MS4A1: variants seen among roughly 807,000 people sequenced by gnomAD.
The protein encoded by MS4A1 is B-lymphocyte antigen CD20.
In MS4A1, 16 loss-of-function variants were observed where a neutral mutation model predicts 26.5. That is an observed-to-expected ratio of 0.60 (90% CI 0.41 to 0.92). MS4A1 has a LOEUF of 0.92. MS4A1 is among the 40% of genes least tolerant of loss of function. The pLI is 0.00. For synonymous variants in MS4A1, 128 were observed against 117.6 expected (o/e 1.09, Z -0.57); for missense variants, 350 against 353.0 (o/e 0.99, Z 0.07).
In MS4A1 at chr11:60,469,770, A is replaced by T. The variant is rs2086328049; in HGVS notation, c.*1302A>T. 6.6e-6 allele frequency: 1 copy of T among 152,252 alleles called. No homozygotes were observed. Among genetic ancestry groups the T allele is most frequent in the Middle Eastern group, 3.4e-3 (1 of 294 alleles). The allele number at this position is 152,252 out of a possible 1,614,324, so 9.4% of individuals were successfully genotyped here. A position where few individuals can be genotyped will look rare whatever the true frequency, so the allele number is the denominator to read the frequency against. On this transcript the variant is annotated 3_prime_UTR_variant, in exon 8 of 8. Coordinates refer to ENST00000345732, the MANE Select transcript of MS4A1 (RefSeq NM_152866.3). ...GAGTCAACAGCTGCCCTACTTTTCA[A>T]TTCAGATATACTAGTACCTTACCTA...
In MS4A1 at chr11:60,469,799, A is replaced by G. The variant is rs1358312142; in HGVS notation, c.*1331A>G. The stretch of plus-strand genomic sequence containing the variant: ...AGATATACTAGTACCTTACCTAGAA[A>G]TAATGTTAACCTAGGGTGAAGTCAC... On this transcript the variant is annotated 3_prime_UTR_variant, in exon 8 of 8. Transcript: ENST00000345732. 3 of 152,128 alleles carry G rather than the reference A, an allele frequency of 2.0e-5. No homozygotes were observed. The highest frequency in any genetic ancestry group is 4.4e-5 in the Non-Finnish European group (3 of 67,962). 9.4% of individuals were successfully genotyped at this position (152,128 alleles called of 1,614,324 possible).
Position 60,469,132 on chromosome 11 carries a change from T to G in MS4A1, c.*664T>G, listed in dbSNP as rs200018414. 6.6e-6 allele frequency: 1 copy of G among 152,176 alleles called. No individual in the cohort carries two copies. Among genetic ancestry groups the G allele is most frequent in the Non-Finnish European group, 1.5e-5 (1 of 68,016 alleles). The allele number at this position is 152,176 out of a possible 1,614,324, so 9.4% of individuals were successfully genotyped here. On this transcript the variant is annotated 3_prime_UTR_variant, in exon 8 of 8. Transcript: ENST00000345732. ...TTTTCCTAACTCCCACTCTAGGCTA[T>G]TGTTTGCATGTCTACCTACTTTTAG...
chr11:60,466,247 C>T (rs1170399954), intron 6 of MS4A1, 90 bp downstream of exon 6: 13 of 1,063,472 alleles, frequency 1.2e-5, no homozygotes, highest in Middle Eastern at 2.0e-4. Context: ...GGATCCAGAC[C>T]ACCTGAGTTT....
chr11:60,466,283 G>A (rs1392178399), intron 6 of MS4A1, 126 bp downstream of exon 6: 6 of 835,710 alleles, frequency 7.2e-6, no homozygotes, highest in East Asian at 2.4e-5. Context: ...TGTGGCTTTG[G>A]GAAAGAATTT....
rs267603055 is a variant in MS4A1, at chr11:60,464,323, G to C, written c.315G>C (p.Glu105Asp). 6.2e-7 allele frequency: 1 copy of C among 1,612,462 alleles called. No individual in the cohort carries two copies. Among genetic ancestry groups the C allele is most frequent in the African/African-American group, 1.3e-5 (1 of 74,364 alleles). Residue 105 changes from glutamate (E) to aspartate (D), a missense_variant, in exon 5 of 8, where the codon GAG (glutamate) becomes GAC (aspartate). Physicochemically the swap from Glu to Asp is conservative, Grantham distance 45. Transcript: ENST00000345732. ...IISGSLLAATEKNSRKCLVKG... is the reference protein window; with the variant it reads ...IISGSLLAATDKNSRKCLVKG... ...CCGGATCACTCCTGGCAGCAACGGAGAAAAACTCCAGGAAGTGTTTGGCAA... is the reference window on the plus strand; with the variant it reads ...CCGGATCACTCCTGGCAGCAACGGACAAAAACTCCAGGAAGTGTTTGGCAA...
At chr11:60,467,115 A>G (rs2086298628) in intron 7 of MS4A1, 55 bp downstream of exon 7, 3 of 1,372,100 alleles carry the variant, frequency 2.2e-6, no homozygotes, top group Non-Finnish European at 2.1e-6. Context: ...ACATCCACAA[A>G]GGATCATTTA....
intron 6 of MS4A1, chr11:60,466,545 T>C (rs1395541354): frequency 3.1e-6 from 1 of 322,710 alleles, no homozygotes; most frequent in African/African-American, 2.1e-5. Flanking sequence ...ATGAATATCT[T>C]TTGCCCAAGG....
Position 60,466,047 on chromosome 11 carries a change from A to G in MS4A1, c.463A>G (p.Ile155Val), listed in dbSNP as rs1475003228. ...TTTAAAAATGGAGAGTCTGAATTTTATTAGAGCTCACACACCATATATTAA... is the reference window on the plus strand; with the variant it reads ...TTTAAAAATGGAGAGTCTGAATTTTGTTAGAGCTCACACACCATATATTAA... ...HFLKMESLNF[I>V]RAHTPYINIY... The change falls in exon 6 of 8, where the codon ATT becomes GTT. Residue 155 changes from isoleucine (I) to valine (V), a missense_variant. Transcript: ENST00000345732. 6.2e-7 allele frequency: 1 copy of G among 1,613,988 alleles called. No homozygotes were observed. Among genetic ancestry groups the G allele is most frequent in the South Asian group, 1.1e-5 (1 of 91,072 alleles).
rs200835972 is a variant in MS4A1 at position 60,470,139 on chromosome 11, G to A, written c.*1671G>A. ...CCATGGGAGGCTCTTACAGCCTTGA[G>A]TTGATATTTATACAACCCAAATCTA... On this transcript the variant is annotated 3_prime_UTR_variant, in exon 8 of 8. Transcript: ENST00000345732. 1.3e-5 allele frequency: 2 copies of A among 152,076 alleles called. No homozygotes were observed. The highest frequency in any genetic ancestry group is 4.1e-4 in the South Asian group (2 of 4,820). 9.4% of individuals were successfully genotyped at this position (152,076 alleles called of 1,614,324 possible). A position where few individuals can be genotyped will look rare whatever the true frequency, so the allele number is the denominator to read the frequency against.
chr11:60,459,348 C>T (rs1462801502), intron 1 of MS4A1, among the ~76,000 whole-genome samples: 2 of 152,270 alleles, frequency 1.3e-5, no homozygotes, highest in Non-Finnish European at 2.9e-5. Context: ...AGTGAGTTGG[C>T]AATACCATAT....
At chr11:60,466,344 CTATT>C (rs1001356082) in intron 6 of MS4A1, among the ~76,000 whole-genome samples, 187 bp downstream of exon 6, 2 of 152,148 alleles carry the variant, frequency 1.3e-5, no homozygotes, top group Non-Finnish European at 2.9e-5. Flanking sequence ...GATGGTAACA[CTATT>C]TATCTAATAG....
At chr11:60,462,920 G>A in intron 3 of MS4A1, 82 bp from the exon 4 acceptor site, 1 of 1,597,812 alleles carries the variant, frequency 6.3e-7, no homozygotes, top group Non-Finnish European at 8.5e-7. Flanking sequence ...TCCAAGTCAG[G>A]AGCCAGAGCT....
intron 4 of MS4A1, 37 bp from the exon 5 acceptor site, chr11:60,464,251 A>AC: frequency 1.3e-6 from 1 of 746,738 alleles, no homozygotes; most frequent in Non-Finnish European, 2.3e-6. Flanking sequence ...TGTCTTGCCC[A>AC]CCCCCTCTCC....
intron 1 of MS4A1, among the ~76,000 whole-genome samples, chr11:60,456,998 G>A (rs555323677): frequency 6.6e-6 from 1 of 152,282 alleles, no homozygotes; most frequent in African/African-American, 2.4e-5. Context: ...ATGTAACTGA[G>A]CTCATAGTAC....
chr11:60,468,198 A>C (rs1400608173), intron 7 of MS4A1, 52 bp from the exon 8 acceptor site: 17 of 1,349,348 alleles, frequency 1.3e-5, no homozygotes. Context: ...GATTGTTGAC[A>C]AAGGTGTCAG....
intron 1 of MS4A1, among the ~76,000 whole-genome samples, chr11:60,459,322 A>G (rs913188165): frequency 6.6e-6 from 1 of 152,224 alleles, no homozygotes; most frequent in Non-Finnish European, 1.5e-5. Context: ...CAAAATGCCT[A>G]CTTACGAAGG....
chr11:60,462,633 T>C (rs977978093), intron 3 of MS4A1, 100 bp downstream of exon 3: 68 of 1,507,238 alleles, frequency 4.5e-5, no homozygotes, highest in Non-Finnish European at 5.9e-5. Context: ...ATTTGAAGAA[T>C]TGGGATCCAA....
chr11:60,464,246 T>C, intron 4 of MS4A1, 42 bp from the exon 5 acceptor site: 1 of 1,416,874 alleles, frequency 7.1e-7, no homozygotes, highest in Non-Finnish European at 1.0e-6. Context: ...TCTCCTGTCT[T>C]GCCCACCCCC....
At position 60,464,356 on chromosome 11, in the gene MS4A1, T is replaced by C. The variant is rs202216356; in HGVS notation, c.336+12T>C. 19 of 1,607,216 alleles carry C rather than the reference T, an allele frequency of 1.2e-5. No individual in the cohort carries two copies. The South Asian group carries it at 1.6e-4, about 14-fold the overall frequency. On this transcript the variant is annotated intron_variant, in intron 5 of 7. Coordinates refer to ENST00000345732, the MANE Select transcript of MS4A1 (RefSeq NM_152866.3). The stretch of plus-strand genomic sequence containing the variant: ...CCAGGAAGTGTTTGGCAAGTAACCA[T>C]ATGTCCTTCTTTCCCACATGTCAGA...
Sources: gnomAD v4.1 joint callset for allele counts (sites outside exome capture counted in the v4.1 genomes callset) on GRCh38, gnomAD v4.1.1 for gene constraint, MANE v1.5 for transcripts, NCBI Gene and HGNC (gene_info 2026-07-23, HGNC 2026-07-21) for gene names.